Variants in MYO5C observed in about 807,000 individuals in gnomAD.
MYO5C encodes the protein unconventional myosin-Vc.
A neutral mutation model predicts 235.7 loss-of-function variants in MYO5C; 194 were observed. The observed-to-expected ratio is 0.82, with a 90% CI of 0.73 to 0.93. MYO5C has a LOEUF of 0.93. Ranked by LOEUF, MYO5C falls within the 40% of genes least tolerant of loss-of-function variation. The pLI, the probability that MYO5C is intolerant of heterozygous loss-of-function variation, is 0.00. For missense variants in MYO5C, 2,038 were observed against 2,127.2 expected, an observed-to-expected ratio of 0.96 and a Z score of 0.82; for synonymous variants, 707 against 754.8, an observed-to-expected ratio of 0.94 and a Z score of 1.04.
At position 52,232,820 on chromosome 15, in the gene MYO5C, T is replaced by A. The variant is rs150566018; in HGVS notation, c.2963-135A>T. 131 of 700,310 alleles carry A rather than the reference T, an allele frequency of 1.9e-4. No homozygotes were observed. In the African/African-American group the frequency reaches 2.2e-3, roughly 12 times the overall value. 43.4% of individuals were successfully genotyped at this position (700,310 alleles called of 1,614,324 possible). On this transcript the variant is annotated intron_variant, in intron 23 of 40. Transcript: ENST00000261839. ...ATTAACAGGACTTACAATGAGAGTA[T>A]AGCTCATTTTTTATAAACAAGAAAT...
rs143834565 is a variant in MYO5C, at chr15:52,291,778, G to A, written c.27+3832C>T. Among the ~76,000 whole-genome samples the A allele has an allele frequency of 9.5e-3, 989 of 103,658 alleles. 14 individuals carry two copies. Among genetic ancestry groups the A allele is most frequent in the African/African-American group, 0.039 (961 of 24,368 alleles). The allele number at this position is 103,658 out of a possible 152,430, so 68.0% of individuals were successfully genotyped here. On this transcript the variant is annotated intron_variant, in intron 1 of 40. Coordinates refer to ENST00000261839, the MANE Select transcript of MYO5C (RefSeq NM_018728.4). ...TTTTGAGACAGGGTCTCGCTCTGTC[G>A]CCCAGGCTGGAGTGCAGCGGCGCGA...
chr15:52,225,670 G>A (rs2035806389), intron 25 of MYO5C, 138 bp from the exon 26 acceptor site: 1 of 651,388 alleles, frequency 1.5e-6, no homozygotes, highest in South Asian at 1.7e-5. Context: ...CTAAAATCTT[G>A]TTAAACCATC....
intron 21 of MYO5C, 31 bp from the exon 22 acceptor site, chr15:52,237,677 G>A (rs374187251): frequency 2.1e-5 from 34 of 1,585,310 alleles, no homozygotes; most frequent in Non-Finnish European, 2.5e-5. Context: ...ATGTTTAGAG[G>A]TTAATCCAAA....
At chr15:52,286,781 G>C (rs1596235976) in intron 1 of MYO5C, among the ~76,000 whole-genome samples, 1 of 151,898 alleles carries the variant, frequency 6.6e-6, no homozygotes, top group African/African-American at 2.4e-5. Flanking sequence ...CTAATCTCAA[G>C]TACCCAGGGA....
intron 25 of MYO5C, among the ~76,000 whole-genome samples, chr15:52,227,066 C>T (rs1056514746): frequency 2.6e-5 from 4 of 151,546 alleles, no homozygotes; most frequent in Non-Finnish European, 4.4e-5. Flanking sequence ...GCATGAGAAT[C>T]GCTTGAACCT....
At chr15:52,214,032 A>G (rs2035503945) in intron 33 of MYO5C, among the ~76,000 whole-genome samples, 1 of 152,246 alleles carries the variant, frequency 6.6e-6, no homozygotes. Context: ...CTTGGCAGTA[A>G]GGCTGGGAGG....
chr15:52,279,717 T>G (rs747719567), intron 2 of MYO5C, 43 bp from the exon 3 acceptor site: 28 of 1,572,936 alleles, frequency 1.8e-5, no homozygotes, highest in Non-Finnish European at 1.6e-5. Flanking sequence ...AATAAAAGAT[T>G]TTTGGTGTTT....
In MYO5C at chr15:52,261,208, C is replaced by A. The variant is rs774803581; in HGVS notation, c.1048-81G>T. On this transcript the variant is annotated intron_variant, in intron 9 of 40. Coordinates refer to ENST00000261839, the MANE Select transcript of MYO5C (RefSeq NM_018728.4). ...TCCCACCCGGCCAAGGCCCCCGTGC[C>A]CACACTCAGGCCTGTGCAAGAGCTG... 5 of 1,520,946 alleles carry A rather than the reference C, an allele frequency of 3.3e-6. No homozygotes were observed. In the East Asian group the frequency reaches 1.2e-4, roughly 35 times the overall value. 94.2% of individuals were successfully genotyped at this position (1,520,946 alleles called of 1,614,324 possible). A position where few individuals can be genotyped will look rare whatever the true frequency, so the allele number is the denominator to read the frequency against.
At chr15:52,294,621 C>CTGAA (rs1422872364) in intron 1 of MYO5C, among the ~76,000 whole-genome samples, 1 of 152,166 alleles carries the variant, frequency 6.6e-6, no homozygotes, top group Non-Finnish European at 1.5e-5. Context: ...TTCCACTCGT[C>CTGAA]TGAATACTGA....
At chr15:52,238,610 A>G (rs961530378) in intron 21 of MYO5C, among the ~76,000 whole-genome samples, 3 of 152,092 alleles carry the variant, frequency 2.0e-5, no homozygotes, top group Non-Finnish European at 4.4e-5. Flanking sequence ...ACCAACTGAG[A>G]GCATATGGAT....
intron 5 of MYO5C, 142 bp downstream of exon 5, chr15:52,275,420 C>T (rs760216433): frequency 5.1e-6 from 5 of 985,546 alleles, no homozygotes; most frequent in Admixed American, 4.8e-5. Flanking sequence ...ATCCCACCAG[C>T]AAATAGGCTT....
At chr15:52,289,643 G>A (rs1311779597) in intron 1 of MYO5C, among the ~76,000 whole-genome samples, 2 of 151,220 alleles carry the variant, frequency 1.3e-5, no homozygotes, top group African/African-American at 4.9e-5. Flanking sequence ...GACTGGTGCA[G>A]CAGCCCCCGG....
Position 52,204,929 on chromosome 15 carries a change from C to A in MYO5C, c.4756G>T (p.Val1586Phe). The change falls in exon 38 of 41, where the codon GTC becomes TTC. Residue 1586 changes from valine (V) to phenylalanine (F), a missense_variant. Transcript: ENST00000261839. Reference sequence around the variant, plus strand: ...CGCAGGAAGAGGCTGTTCAGCGTGACCGCCCCGATCAAGAAGAAGAGCTGC... The same window carrying A: ...CGCAGGAAGAGGCTGTTCAGCGTGAACGCCCCGATCAAGAAGAAGAGCTGC... ...VKQLFFLIGA[V>F]TLNSLFLRKD... 1 of 1,614,240 alleles carries A rather than the reference C, an allele frequency of 6.2e-7. No homozygotes were observed. Among genetic ancestry groups the A allele is most frequent in the South Asian group, 1.1e-5 (1 of 91,084 alleles).
chr15:52,249,723 T>C (rs148738637), intron 13 of MYO5C, among the ~76,000 whole-genome samples: 88 of 152,318 alleles, frequency 5.8e-4, no homozygotes, highest in South Asian at 1.5e-3. Flanking sequence ...AGGTGGCAAA[T>C]ACAGAGCTTT....
Position 52,193,907 on chromosome 15 carries a change from A to T in MYO5C, c.5224T>A (p.Leu1742Ile). Residue 1742 changes from leucine (L) to isoleucine (I), a missense_variant, in exon 41 of 41, where the codon TTA becomes ATA. Coordinates refer to ENST00000261839, the MANE Select transcript of MYO5C (RefSeq NM_018728.4). ...SSFKLGFLNRL is the reference protein window; with the variant it reads ...SSFKLGFLNRI The stretch of plus-strand genomic sequence containing the variant: ...TGCATTGACTTTTTCTCCTGCTATA[A>T]CCTATTCAGAAAGCCTAGCTTGAAA... The T allele has an allele frequency of 6.2e-7, 1 of 1,612,782 alleles. No homozygotes were observed. Among genetic ancestry groups the T allele is most frequent in the Non-Finnish European group, 8.5e-7 (1 of 1,179,630 alleles).
intron 3 of MYO5C, 89 bp from the exon 4 acceptor site, chr15:52,279,106 G>A (rs926738338): frequency 4.0e-5 from 55 of 1,374,562 alleles, no homozygotes; most frequent in African/African-American, 5.8e-5. Context: ...CAGCTCTGTC[G>A]CTTATTAAAC....
intron 29 of MYO5C, among the ~76,000 whole-genome samples, chr15:52,221,748 C>T (rs755909984): frequency 1.3e-5 from 2 of 152,148 alleles, no homozygotes; most frequent in Non-Finnish European, 2.9e-5. Context: ...ATGTCCATCG[C>T]CTCCACCCCC....
At chr15:52,280,270 C>T (rs566953013) in intron 2 of MYO5C, among the ~76,000 whole-genome samples, 1 of 152,334 alleles carries the variant, frequency 6.6e-6, no homozygotes, top group East Asian at 1.9e-4. Flanking sequence ...CTGCAGTTGC[C>T]CACATGCCCG....
intron 4 of MYO5C, among the ~76,000 whole-genome samples, chr15:52,278,244 C>CA (rs2037092477): frequency 6.6e-6 from 1 of 152,048 alleles, no homozygotes; most frequent in African/African-American, 2.4e-5. Context: ...AGCACAAATC[C>CA]CAGATCTGCC....
Sources: allele counts gnomAD v4.1 joint callset (sites outside exome capture counted in the v4.1 genomes callset), GRCh38; gene constraint gnomAD v4.1.1; transcripts MANE v1.5; gene names NCBI Gene and HGNC (gene_info 2026-07-23, HGNC 2026-07-21).